Variants in KHDRBS3 observed in about 807,000 individuals in gnomAD.
KHDRBS3 encodes KH domain-containing, RNA-binding, signal transduction-associated protein 3.
In KHDRBS3, 23 loss-of-function variants were observed where a neutral mutation model predicts 45.6. The ratio of observed to expected loss-of-function variants is 0.50; its 90% CI spans 0.36 to 0.72. The LOEUF is 0.72. Among genes scored for constraint, KHDRBS3 ranks in the 30% least tolerant of loss-of-function variants. KHDRBS3 has a pLI of 0.00. For synonymous variants in KHDRBS3, 162 were observed against 156.5 expected (o/e 1.04, Z -0.26); for missense variants, 352 against 424.8 (o/e 0.83, Z 1.51).
intron 6 of KHDRBS3, 149 bp from the exon 7 acceptor site, chr8:135,606,806 C>T: frequency 2.0e-6 from 1 of 495,314 alleles, no homozygotes. Flanking sequence ...AAGTTCTTCA[C>T]CATTTTCACT....
intron 7 of KHDRBS3, among the ~76,000 whole-genome samples, chr8:135,609,639 G>A (rs1381266946): frequency 6.7e-6 from 1 of 148,912 alleles, no homozygotes; most frequent in Non-Finnish European, 1.5e-5. Context: ...ACACACATTT[G>A]CATAGACCTA....
At chr8:135,649,922 A>G (rs1285942035), downstream of KHDRBS3, among the ~76,000 whole-genome samples, 1 of 152,158 alleles carries the variant, frequency 6.6e-6, no homozygotes, top group Admixed American at 6.5e-5. Flanking sequence ...GAACTTTCCT[A>G]CTTGGCCTTT....
In KHDRBS3 at chr8:135,602,811, A is replaced by G. The variant is rs1487191474; in HGVS notation, c.808-4144A>G. 2.0e-5 allele frequency among the ~76,000 whole-genome samples: 3 copies of G among 152,314 alleles called. No individual in the cohort carries two copies. The East Asian group carries it at 5.8e-4, about 29-fold the overall frequency. ...GAGATATTTCATAAACACAACATGA[A>G]TGATGTCATCCAAATTTAAATCCTT... is the stretch of plus-strand genomic sequence containing the variant. On this transcript the variant is annotated intron_variant, in intron 6 of 8. Transcript: ENST00000355849.
At chr8:135,466,119 A>G (rs113561258) in intron 1 of KHDRBS3, among the ~76,000 whole-genome samples, 20 of 152,320 alleles carry the variant, frequency 1.3e-4, no homozygotes, top group Middle Eastern at 3.4e-3. Context: ...AGTCTTGATC[A>G]ATAAACGTGC....
intron 5 of KHDRBS3, among the ~76,000 whole-genome samples, chr8:135,564,443 C>T (rs1827306128): frequency 6.6e-6 from 1 of 152,116 alleles, no homozygotes; most frequent in Non-Finnish European, 1.5e-5. Context: ...CAAACAGCTG[C>T]AATGTTGTTG....
In KHDRBS3 at chr8:135,476,876, G is replaced by T; in HGVS notation, c.88+18922G>T. On this transcript the variant is annotated intron_variant, in intron 1 of 8. Transcript: ENST00000355849. Reference sequence around the variant, plus strand: ...ATAGAGGAAATGTTGAAAGTATAGTGACTTATTTGCCAAGTGAATTTTACC... The same window carrying T: ...ATAGAGGAAATGTTGAAAGTATAGTTACTTATTTGCCAAGTGAATTTTACC... Among the ~76,000 whole-genome samples, 2 of 152,292 alleles carry T rather than the reference G, an allele frequency of 1.3e-5. 1 individual carries two copies. Among genetic ancestry groups the T allele is most frequent in the South Asian group, 4.1e-4 (2 of 4,826 alleles).
At chr8:135,633,091 A>G (rs1830671634) in intron 7 of KHDRBS3, among the ~76,000 whole-genome samples, 2 of 152,182 alleles carry the variant, frequency 1.3e-5, no homozygotes, top group Non-Finnish European at 2.9e-5. Context: ...CGTATTATTT[A>G]TACATATATA....
intron 2 of KHDRBS3, among the ~76,000 whole-genome samples, chr8:135,524,887 C>T (rs1350958934): frequency 1.3e-5 from 2 of 151,900 alleles, no homozygotes; most frequent in South Asian, 2.1e-4. Context: ...ATTTTTTTCT[C>T]TCTTGGGATT....
At chr8:135,626,769 A>C (rs1476584898) in intron 7 of KHDRBS3, among the ~76,000 whole-genome samples, 1 of 90,764 alleles carries the variant, frequency 1.1e-5, no homozygotes, top group Non-Finnish European at 1.8e-5. Flanking sequence ...GCGCCACCGC[A>C]CTCCAACCTG....
chr8:135,550,217 T>C (rs1304077787), intron 4 of KHDRBS3, among the ~76,000 whole-genome samples: 2 of 152,184 alleles, frequency 1.3e-5, no homozygotes, highest in Non-Finnish European at 2.9e-5. Flanking sequence ...CAAAGATGGC[T>C]GCAGTAGCAC....
chr8:135,517,404 C>G (rs1381112486), intron 1 of KHDRBS3, among the ~76,000 whole-genome samples: 1 of 152,034 alleles, frequency 6.6e-6, no homozygotes, highest in Non-Finnish European at 1.5e-5. Flanking sequence ...ATCTTTCCTC[C>G]CTCGGGGAAG....
chr8:135,612,511 G>A (rs1254036213), intron 7 of KHDRBS3, among the ~76,000 whole-genome samples: 1 of 151,858 alleles, frequency 6.6e-6, no homozygotes, highest in East Asian at 1.9e-4. Context: ...GTTTTCAGAT[G>A]CACTGGTGGG....
At chr8:135,508,404 C>T (rs937169719) in intron 1 of KHDRBS3, among the ~76,000 whole-genome samples, 1 of 152,142 alleles carries the variant, frequency 6.6e-6, no homozygotes, top group African/African-American at 2.4e-5. Context: ...ATAATGAGTG[C>T]AGTCTGAACA....
intron 5 of KHDRBS3, among the ~76,000 whole-genome samples, chr8:135,580,643 C>T (rs1586752736): frequency 1.4e-5 from 2 of 139,950 alleles, no homozygotes; most frequent in East Asian, 2.2e-4. Context: ...GAGACAGAGT[C>T]ACTCTGTCAC....
intron 7 of KHDRBS3, among the ~76,000 whole-genome samples, chr8:135,607,818 C>A (rs186773243): frequency 6.6e-6 from 1 of 152,128 alleles, no homozygotes; most frequent in African/African-American, 2.4e-5. Flanking sequence ...CACTTTTGAA[C>A]TCGTCCAGTG....
At position 135,482,960 on chromosome 8, in the gene KHDRBS3, A is replaced by AG. The variant is rs748955708; in HGVS notation, c.88+25007dup. The stretch of plus-strand genomic sequence containing the variant: ...TCTTTTTCATAAGGCTGTTTCCATC[A>AG]GAACATCTAGGAAAGAACGATGTAC... On this transcript the variant is annotated intron_variant, in intron 1 of 8. Transcript: ENST00000355849. 6.1e-3 allele frequency among the ~76,000 whole-genome samples: 928 copies of AG among 152,328 alleles called. 3 individuals are homozygous for AG. The highest frequency in any genetic ancestry group is 0.011 in the Non-Finnish European group (725 of 68,022).
intron 4 of KHDRBS3, chr8:135,549,875 G>A (rs1470429715): frequency 6.6e-6 from 1 of 152,184 alleles, no homozygotes; most frequent in African/African-American, 2.4e-5. Flanking sequence ...CCAGGACATA[G>A]AATTGCATTA....
intron 6 of KHDRBS3, among the ~76,000 whole-genome samples, chr8:135,599,627 A>G (rs1829116250): frequency 6.6e-6 from 1 of 152,240 alleles, no homozygotes. Context: ...CCTATGTGCT[A>G]GACACTGGGA....
At chr8:135,642,686 C>T (rs937147805) in intron 7 of KHDRBS3, among the ~76,000 whole-genome samples, 2 of 152,094 alleles carry the variant, frequency 1.3e-5, no homozygotes, top group Non-Finnish European at 2.9e-5. Context: ...CGTGTTACAC[C>T]GTATTTAATT....
Sources: gnomAD v4.1 joint callset for allele counts (sites outside exome capture counted in the v4.1 genomes callset) on GRCh38, gnomAD v4.1.1 for gene constraint, MANE v1.5 for transcripts, NCBI Gene and HGNC (gene_info 2026-07-23, HGNC 2026-07-21) for gene names.